Variants in HNRNPF observed in about 807,000 individuals in gnomAD.
HNRNPF encodes HnRNP F protein.
HNRNPF carries 2 observed loss-of-function variants against 26.0 expected under a neutral mutation model. The ratio of observed to expected loss-of-function variants is 0.08; its 90% CI spans 0.03 to 0.24. HNRNPF has a LOEUF of 0.24. Ranked by LOEUF, HNRNPF falls within the 10% of genes least tolerant of loss-of-function variation. The pLI is 1.00. For synonymous variants in HNRNPF, 234 were observed against 211.5 expected (o/e 1.11, Z -0.92); for missense variants, 299 against 539.2 (o/e 0.55, Z 4.41).
chr10:43,390,884 T>A (rs1838217990), intron 3 of HNRNPF, among the ~76,000 whole-genome samples: 1 of 152,046 alleles, frequency 6.6e-6, no homozygotes, highest in African/African-American at 2.4e-5. Context: ...TTTAGCTGCA[T>A]CCCTGGTCTC....
intron 1 of HNRNPF, among the ~76,000 whole-genome samples, chr10:43,397,892 A>C (rs866530024): frequency 6.6e-6 from 1 of 152,228 alleles, no homozygotes; most frequent in East Asian, 1.9e-4. Context: ...TGAATGTTTC[A>C]GATTACGTGG....
At position 43,402,176 on chromosome 10, in the gene HNRNPF, G is replaced by A. The variant is rs1010210461; in HGVS notation, c.-246-5586C>T. Among the ~76,000 whole-genome samples, 4 of 152,086 alleles carry A rather than the reference G, an allele frequency of 2.6e-5. No homozygotes were observed. The East Asian group carries it at 7.7e-4, about 29-fold the overall frequency. On this transcript the variant is annotated intron_variant, in intron 1 of 3. Coordinates refer to ENST00000682386, the MANE Select transcript of HNRNPF (RefSeq NM_001098204.2). ...AACTGAGTTTTAAATTTAAAAGTTA[G>A]TAATGAATTCAAAGAAAGGAAAACG...
At position 43,397,659 on chromosome 10, in the gene HNRNPF, A is replaced by T. The variant is rs536573539; in HGVS notation, c.-246-1069T>A. Among the ~76,000 whole-genome samples the T allele has an allele frequency of 2.6e-4, 40 of 152,314 alleles. No homozygotes were observed. In the East Asian group the frequency reaches 5.2e-3, roughly 20 times the overall value. ...TTTGAAAAAAAATCTTTGAAAAAAAATTTTTTTAACGCAATTCCTAAACTT... is the reference window on the plus strand; with the variant it reads ...TTTGAAAAAAAATCTTTGAAAAAAATTTTTTTTAACGCAATTCCTAAACTT... On this transcript the variant is annotated intron_variant, in intron 1 of 3. Transcript: ENST00000682386.
At chr10:43,392,490 G>A (rs1838291589) in intron 3 of HNRNPF, among the ~76,000 whole-genome samples, 1 of 152,244 alleles carries the variant, frequency 6.6e-6, no homozygotes, top group Non-Finnish European at 1.5e-5. Flanking sequence ...AGTGAGCTGA[G>A]ATCGTGCCAC....
chr10:43,394,726 C>T (rs1838396033), intron 2 of HNRNPF, 38 bp from the exon 3 acceptor site: 2 of 152,122 alleles, frequency 1.3e-5, no homozygotes, highest in South Asian at 4.1e-4. Context: ...TGTGTGGTCT[C>T]AGATCCTAGG....
At chr10:43,397,334 A>G (rs1838583872) in intron 1 of HNRNPF, 1 of 152,252 alleles carries the variant, frequency 6.6e-6, no homozygotes, top group Admixed American at 6.5e-5. Context: ...GATGTCACCA[A>G]TGGGAAACGC....
At chr10:43,405,500 C>CA (rs1446982165) in intron 1 of HNRNPF, among the ~76,000 whole-genome samples, 5 of 151,842 alleles carry the variant, frequency 3.3e-5, no homozygotes, top group African/African-American at 1.2e-4. Context: ...ACTAAAAATA[C>CA]AAAAAATTAG....
intron 1 of HNRNPF, among the ~76,000 whole-genome samples, chr10:43,397,884 A>T (rs75015989): frequency 0.016 from 2,386 of 152,330 alleles, 66 homozygotes; most frequent in African/African-American, 0.054. Context: ...TGATTTCTTG[A>T]ATGTTTCAGA....
At chr10:43,407,530 C>T (rs1019867287) in intron 1 of HNRNPF, among the ~76,000 whole-genome samples, 23 of 152,110 alleles carry the variant, frequency 1.5e-4, no homozygotes, top group Admixed American at 6.5e-5. Flanking sequence ...CCCTGGTCCA[C>T]GACTCTGCGG....
chr10:43,400,891 G>GTCAAGACCATCCTA (rs61678752), intron 1 of HNRNPF, among the ~76,000 whole-genome samples: 6 of 151,828 alleles, frequency 4.0e-5, no homozygotes, highest in African/African-American at 1.2e-4. Flanking sequence ...AGGTCAGGAG[G>GTCAAGACCATCCTA]GCTAATACGG....
chr10:43,405,376 G>A (rs928976130), intron 1 of HNRNPF, among the ~76,000 whole-genome samples: 2 of 152,174 alleles, frequency 1.3e-5, no homozygotes, highest in African/African-American at 4.8e-5. Context: ...TTTAATACAT[G>A]CCGGGCGCGG....
Position 43,387,559 on chromosome 10 carries a change from T to C in HNRNPF, c.326A>G (p.Asn109Ser), listed in dbSNP as rs760936768. The C allele has an allele frequency of 1.7e-5, 28 of 1,614,172 alleles. No homozygotes were observed. Among genetic ancestry groups the C allele is most frequent in the Non-Finnish European group, 2.3e-5 (27 of 1,180,012 alleles). ...HSGPNSADSANDGFVRLRGLP... is the reference protein window; with the variant it reads ...HSGPNSADSASDGFVRLRGLP... ...TCCTCGAAGCCGCACGAAGCCATCG[T>C]TGGCGCTGTCGGCACTGTTGGGACC... The change falls in exon 4 of 4, where the codon AAC becomes AGC. Residue 109 changes from asparagine to serine, a missense_variant. By Grantham distance (46) the Asn-to-Ser change is conservative. Around this residue, in one of 6 missense-constraint regions of HNRNPF, gnomAD observed 104 missense variants for 239.0 expected, o/e 0.44. Transcript: ENST00000682386. This position sits in a 1 kb window ranked among gnomAD's most constrained non-coding sequence, Gnocchi z 6.0.
At chr10:43,404,892 G>A (rs766381303) in intron 1 of HNRNPF, among the ~76,000 whole-genome samples, 9 of 152,090 alleles carry the variant, frequency 5.9e-5, no homozygotes, top group Non-Finnish European at 1.3e-4. Flanking sequence ...GAAATATAAA[G>A]AACAGACACT....
At chr10:43,400,744 C>A (rs1177298880) in intron 1 of HNRNPF, among the ~76,000 whole-genome samples, 1 of 152,180 alleles carries the variant, frequency 6.6e-6, no homozygotes, top group Non-Finnish European at 1.5e-5. Flanking sequence ...TGTGAGAATT[C>A]TAACCCAATT....
chr10:43,397,773 A>G (rs1032140849), intron 1 of HNRNPF, among the ~76,000 whole-genome samples: 3 of 152,250 alleles, frequency 2.0e-5, no homozygotes, highest in Non-Finnish European at 4.4e-5. Context: ...ATGATCAGTG[A>G]CATTTTATAT....
At chr10:43,399,404 GATCA>G (rs1308944793) in intron 1 of HNRNPF, among the ~76,000 whole-genome samples, 1 of 152,130 alleles carries the variant, frequency 6.6e-6, no homozygotes, top group African/African-American at 2.4e-5. Context: ...TTTAATTATT[GATCA>G]GTCACCATAG....
chr10:43,397,894 A>G (rs999409992), intron 1 of HNRNPF, among the ~76,000 whole-genome samples: 3 of 152,224 alleles, frequency 2.0e-5, no homozygotes, highest in African/African-American at 7.2e-5. Flanking sequence ...AATGTTTCAG[A>G]TTACGTGGAA....
intron 3 of HNRNPF, among the ~76,000 whole-genome samples, chr10:43,390,862 C>T (rs1470095591): frequency 6.6e-6 from 1 of 152,124 alleles, no homozygotes; most frequent in African/African-American, 2.4e-5. Context: ...CAGGCCCAGG[C>T]ACTGTAGGAT....
chr10:43,401,134 A>G (rs1020470466), intron 1 of HNRNPF, among the ~76,000 whole-genome samples: 5 of 151,878 alleles, frequency 3.3e-5, no homozygotes, highest in African/African-American at 1.2e-4. Context: ...AACATTTTAA[A>G]TGTTTACTCC....
Sources: allele counts gnomAD v4.1 joint callset (sites outside exome capture counted in the v4.1 genomes callset), GRCh38; gene constraint gnomAD v4.1.1; regional missense constraint gnomAD v4.1.1; non-coding constraint Gnocchi (gnomAD v3.1); transcripts MANE v1.5; gene names NCBI Gene and HGNC (gene_info 2026-07-23, HGNC 2026-07-21).